The following MACF1 variants were observed in gnomAD, a reference collection of about 807,000 sequenced individuals.
MACF1 encodes microtubule actin crosslinking factor 1.
MACF1 carries 193 observed loss-of-function variants against 854.8 expected under a neutral mutation model. The ratio of observed to expected loss-of-function variants is 0.23; its 90% CI spans 0.20 to 0.25. The LOEUF (loss-of-function observed/expected upper bound fraction) is 0.25, where lower values mean the gene tolerates loss of function less well. Among genes scored for constraint, MACF1 ranks in the 10% least tolerant of loss-of-function variants. The pLI, the probability that MACF1 is intolerant of heterozygous loss-of-function variation, is 1.00. For synonymous variants in MACF1, 3,185 were observed against 3,226.7 expected (o/e 0.99, Z 0.44); for missense variants, 7,722 against 8,929.1 (o/e 0.86, Z 5.45).
chr1:39,360,034 TATATATATATATATATATACAC>T (rs1414272159), intron 47 of MACF1, among the ~76,000 whole-genome samples: 6 of 85,182 alleles, frequency 7.0e-5, no homozygotes, highest in African/African-American at 2.9e-4. Flanking sequence ...TATATATATA[TATATATATATATATATATACAC>T]ACACACACAC....
chr1:39,403,061 GGTTTT>G (rs1226907130), intron 58 of MACF1, among the ~76,000 whole-genome samples: 1 of 143,834 alleles, frequency 7.0e-6, no homozygotes, highest in African/African-American at 2.9e-5. Flanking sequence ...TGTTTGGTTT[GGTTTT>G]TTTTTTGTTT....
chr1:39,420,387 T>C (rs1643488398), intron 58 of MACF1, among the ~76,000 whole-genome samples: 1 of 152,250 alleles, frequency 6.6e-6, no homozygotes. Context: ...TATCTGATTT[T>C]TCTTCAGCAG....
chr1:39,351,484 CT>C (rs1647183291), intron 43 of MACF1, among the ~76,000 whole-genome samples: 1 of 151,304 alleles, frequency 6.6e-6, no homozygotes, highest in African/African-American at 2.4e-5. Context: ...CCCCAAACAT[CT>C]TGCTATCTGT....
At chr1:39,472,422 G>A (rs1222028274) in intron 97 of MACF1, among the ~76,000 whole-genome samples, 2 of 151,964 alleles carry the variant, frequency 1.3e-5, no homozygotes, top group African/African-American at 4.8e-5. Flanking sequence ...GTTTGTTGTC[G>A]CCTCCTCCCA....
intron 97 of MACF1, among the ~76,000 whole-genome samples, chr1:39,478,225 ACTC>A (rs1644947712): frequency 6.6e-6 from 1 of 151,610 alleles, no homozygotes; most frequent in Non-Finnish European, 1.5e-5. Flanking sequence ...CTGGTCTTGA[ACTC>A]CTGGCCTCAG....
intron 6 of MACF1, among the ~76,000 whole-genome samples, chr1:39,264,518 G>C (rs1261355178): frequency 6.6e-6 from 1 of 152,190 alleles, no homozygotes; most frequent in Non-Finnish European, 1.5e-5. Flanking sequence ...ATTGTTTCAT[G>C]AATTTGATCT....
chr1:39,154,892 T>C (rs924456331), intron 2 of MACF1, among the ~76,000 whole-genome samples: 6 of 152,108 alleles, frequency 3.9e-5, no homozygotes, highest in Admixed American at 1.3e-4. Flanking sequence ...GGGCTTTTTT[T>C]CCGCTTTGTC....
chr1:39,465,135 C>T, intron 95 of MACF1, 23 bp downstream of exon 95: 2 of 1,609,240 alleles, frequency 1.2e-6, no homozygotes, highest in Non-Finnish European at 8.5e-7. Flanking sequence ...TTGCAATGTT[C>T]TCCTTCTCAA....
At chr1:39,147,011 T>G (rs1557481928) in intron 2 of MACF1, among the ~76,000 whole-genome samples, 2 of 152,048 alleles carry the variant, frequency 1.3e-5, no homozygotes. Flanking sequence ...TATTTTCTTC[T>G]TCTTCTTTTC....
At chr1:39,483,678 C>G (rs1046008298) in intron 99 of MACF1, among the ~76,000 whole-genome samples, 2 of 152,172 alleles carry the variant, frequency 1.3e-5, no homozygotes, top group Non-Finnish European at 2.9e-5. Flanking sequence ...AGTCCTGGAA[C>G]CCAGACTCAA....
chr1:39,257,842 C>T, intron 5 of MACF1, 94 bp from the exon 6 acceptor site: 1 of 882,208 alleles, frequency 1.1e-6, no homozygotes. Flanking sequence ...AAAAAGAAAT[C>T]AGTTTAACTG....
At chr1:39,430,576 A>G in intron 65 of MACF1, 126 bp from the exon 66 acceptor site, 3 of 713,846 alleles carry the variant, frequency 4.2e-6, no homozygotes, top group South Asian at 1.8e-5. Context: ...TGAGAAAAAA[A>G]TAACTGAAGG....
Position 39,361,259 on chromosome 1 carries a change from C to A in MACF1, c.12454-101C>A, listed in dbSNP as rs772815433. The stretch of plus-strand genomic sequence containing the variant: ...GGTATTCTGGAGGCTCGGTTGCAGT[C>A]CTCCAGTCCCCCTTGTGAGATAGCA... On this transcript the variant is annotated intron_variant, in intron 48 of 100. Coordinates refer to ENST00000564288, the MANE Select transcript of MACF1 (RefSeq NM_001394062.1). The A allele has an allele frequency of 2.3e-5, 27 of 1,193,518 alleles. No homozygotes were observed. In the South Asian group the frequency reaches 3.6e-4, roughly 16 times the overall value. 73.9% of individuals were successfully genotyped at this position (1,193,518 alleles called of 1,614,324 possible). A position where few individuals can be genotyped will look rare whatever the true frequency, so the allele number is the denominator to read the frequency against.
In MACF1 at chr1:39,485,797, C is replaced by CT; in HGVS notation, c.*4dup. ...GGACTCCAGGTCCCAAGCGATAACA[C>CT]TGTCTAAGCACCCCCAAGCCACTAT... On this transcript the variant is annotated 3_prime_UTR_variant, in exon 101 of 101. Transcript: ENST00000564288. The CT allele has an allele frequency of 6.3e-7, 1 of 1,582,180 alleles. No homozygotes were observed. Among genetic ancestry groups the CT allele is most frequent in the Non-Finnish European group, 8.6e-7 (1 of 1,161,106 alleles).
intron 2 of MACF1, among the ~76,000 whole-genome samples, chr1:39,163,340 C>CAAAAAAAAAAA (rs11371076): frequency 7.3e-4 from 58 of 79,730 alleles, no homozygotes; most frequent in South Asian, 1.5e-3. Flanking sequence ...AAGACTGTCT[C>CAAAAAAAAAAA]AAAAAAAAAA....
At chr1:39,395,074 G>A (rs569199375) in intron 58 of MACF1, among the ~76,000 whole-genome samples, 1 of 152,230 alleles carries the variant, frequency 6.6e-6, no homozygotes, top group East Asian at 1.9e-4. Flanking sequence ...TTTGGGGGTG[G>A]GTGGGGAGGA....
chr1:39,299,749 T>A (rs1428657395), intron 21 of MACF1, among the ~76,000 whole-genome samples: 1 of 152,228 alleles, frequency 6.6e-6, no homozygotes, highest in Non-Finnish European at 1.5e-5. Context: ...TAATTATTTT[T>A]AAAAATTTAA....
chr1:39,430,974 G>T, intron 66 of MACF1, 66 bp downstream of exon 66: 1 of 1,377,000 alleles, frequency 7.3e-7, no homozygotes, highest in South Asian at 1.2e-5. Flanking sequence ...ACAGTACTAT[G>T]ACCCACATAA....
Position 39,388,127 on chromosome 1 carries a change from C to A in MACF1, c.15285C>A (p.Val5095=), listed in dbSNP as rs762518457. ...DASQLLHQAE[V]AQQEFLEVKQ... Reference sequence around the variant, plus strand: ...CTCAACTTCTCCACCAAGCTGAGGTCGCCCAGCAAGAGTTCCTCGAAGTTA... The same window carrying A: ...CTCAACTTCTCCACCAAGCTGAGGTAGCCCAGCAAGAGTTCCTCGAAGTTA... The change falls in exon 58 of 101, where the codon GTC becomes GTA. Residue 5095 remains valine, a synonymous_variant. Transcript: ENST00000564288. 6 of 1,613,980 alleles carry A rather than the reference C, an allele frequency of 3.7e-6. No homozygotes were observed. In the African/African-American group the frequency reaches 4.0e-5, roughly 11 times the overall value.
Sources: allele counts gnomAD v4.1 joint callset (sites outside exome capture counted in the v4.1 genomes callset), GRCh38; gene constraint gnomAD v4.1.1; transcripts MANE v1.5; gene names NCBI Gene and HGNC (gene_info 2026-07-23, HGNC 2026-07-21).